The following PELI3 variants were observed in gnomAD, a reference collection of about 807,000 sequenced individuals.
PELI3 encodes E3 ubiquitin-protein ligase pellino homolog 3.
In PELI3, 19 loss-of-function variants were observed where a neutral mutation model predicts 35.5. The observed-to-expected ratio is 0.54, with a 90% CI of 0.37 to 0.79. The LOEUF is 0.79. Among genes scored for constraint, PELI3 ranks in the 30% least tolerant of loss-of-function variants. The pLI is 0.00. For missense variants in PELI3, 490 were observed against 661.2 expected (o/e 0.74, Z 2.84); for synonymous variants, 262 against 279.2 (o/e 0.94, Z 0.62).
Position 66,469,046 on chromosome 11 carries a change from G to C in PELI3, c.224+142G>C, listed in dbSNP as rs1258428591. ...GGAAGCAACGTGATCTGGCGGCCTGGCCAACCTCATCCCTTCCTGGTCTTT... is the reference window on the plus strand; with the variant it reads ...GGAAGCAACGTGATCTGGCGGCCTGCCCAACCTCATCCCTTCCTGGTCTTT... On this transcript the variant is annotated intron_variant, in intron 3 of 7. Coordinates refer to ENST00000320740, the MANE Select transcript of PELI3 (RefSeq NM_145065.3). 3 of 539,882 alleles carry C rather than the reference G, an allele frequency of 5.6e-6. No homozygotes were observed. The South Asian group carries it at 6.3e-5, about 11-fold the overall frequency. 33.4% of individuals were successfully genotyped at this position (539,882 alleles called of 1,614,324 possible).
rs563244761 is a variant in PELI3 at position 66,477,222 on chromosome 11, C to T, written c.*1055C>T. On this transcript the variant is annotated 3_prime_UTR_variant, in exon 8 of 8. Transcript: ENST00000320740. Reference sequence around the variant, plus strand: ...GTCAACAAAGGGAGGAGAGAGGACTCACTGGTCAAGAGTGTCGGCTGTGAC... The same window carrying T: ...GTCAACAAAGGGAGGAGAGAGGACTTACTGGTCAAGAGTGTCGGCTGTGAC... 3.9e-5 allele frequency: 6 copies of T among 152,336 alleles called. No homozygotes were observed. The highest frequency in any genetic ancestry group is 3.9e-4 in the Admixed American group (6 of 15,304). The allele number at this position is 152,336 out of a possible 1,614,324, so 9.4% of individuals were successfully genotyped here.
intron 2 of PELI3, 88 bp downstream of exon 2, chr11:66,468,368 T>TA: frequency 7.7e-7 from 1 of 1,299,320 alleles, no homozygotes. Flanking sequence ...TCCCCCCACA[T>TA]AGGGCCTTCA....
intron 2 of PELI3, 109 bp downstream of exon 2, chr11:66,468,389 C>G: frequency 9.1e-7 from 1 of 1,097,196 alleles, no homozygotes; most frequent in Non-Finnish European, 1.2e-6. Flanking sequence ...GCTGTTTGTC[C>G]CTCCTCACCT....
intron 3 of PELI3, among the ~76,000 whole-genome samples, chr11:66,469,675 G>A (rs183692381): frequency 6.6e-6 from 1 of 152,330 alleles, no homozygotes; most frequent in Admixed American, 6.5e-5. Context: ...CCCTTGGGGA[G>A]CAGAGTCCAC....
At chr11:66,468,994 A>T in intron 3 of PELI3, 90 bp downstream of exon 3, 1 of 606,140 alleles carries the variant, frequency 1.6e-6, no homozygotes, top group South Asian at 1.8e-5. Context: ...CTCACACTAC[A>T]GATGAGAAAG....
rs543807746 is a variant in PELI3 at position 66,471,304 on chromosome 11, G to A, written c.287G>A (p.Arg96His). The A allele has an allele frequency of 5.3e-5, 86 of 1,614,002 alleles. No homozygotes were observed. The South Asian group carries it at 9.1e-4, about 17-fold the overall frequency. Reference sequence around the variant, plus strand: ...CGGCGAAGCCGCCTGGCACTGAGCCGCCGGTCGCACGCCAACGGGGTGAAG... The same window carrying A: ...CGGCGAAGCCGCCTGGCACTGAGCCACCGGTCGCACGCCAACGGGGTGAAG... The part of the protein sequence containing the change: ...GRRRSRLALS[R>H]RSHANGVKPD... The change falls in exon 4 of 8, where the codon CGC (arginine) becomes CAC (histidine). Residue 96 changes from arginine (R) to histidine (H), a missense_variant. Physicochemically the swap from Arg to His is conservative, Grantham distance 29 (BLOSUM62 0). Around this residue, in one of 3 missense-constraint regions of PELI3, gnomAD observed 137 missense variants for 157.1 expected, o/e 0.87. Transcript: ENST00000320740.
Position 66,467,982 on chromosome 11 carries a change from C to A in PELI3, c.-1-146C>A. ...GCAACCTCGGGCAGTTTAGAGGAGG[C>A]AGAGGGGAAGTGGTTGCCATAGCAG... On this transcript the variant is annotated intron_variant, in intron 1 of 7. Coordinates refer to ENST00000320740, the MANE Select transcript of PELI3 (RefSeq NM_145065.3). This position sits in a 1 kb window ranked among gnomAD's most constrained non-coding sequence, Gnocchi z 4.2. The A allele has an allele frequency of 2.0e-6, 2 of 995,658 alleles. No individual in the cohort carries two copies. The highest frequency in any genetic ancestry group is 2.8e-6 in the Non-Finnish European group (2 of 721,294). The allele number at this position is 995,658 out of a possible 1,614,324, so 61.7% of individuals were successfully genotyped here. A position where few individuals can be genotyped will look rare whatever the true frequency, so the allele number is the denominator to read the frequency against.
intron 3 of PELI3, among the ~76,000 whole-genome samples, chr11:66,469,789 CTG>C (rs914592741): frequency 1.8e-5 from 2 of 110,892 alleles, no homozygotes; most frequent in Non-Finnish European, 3.9e-5. Flanking sequence ...ACCAGGGAAT[CTG>C]TTTTTTTTTT....
Position 66,476,079 on chromosome 11 carries a change from C to G in PELI3, c.1322C>G (p.Ala441Gly). 6.2e-7 allele frequency: 1 copy of G among 1,607,834 alleles called. No homozygotes were observed. Among genetic ancestry groups the G allele is most frequent in the South Asian group, 1.1e-5 (1 of 90,518 alleles). The change falls in exon 8 of 8, where the codon GCT (alanine) becomes GGT (glycine). Residue 441 changes from alanine to glycine, a missense_variant. Ala to Gly is a moderately conservative substitution (Grantham distance 60). This residue lies in a region of PELI3 where 349 missense variants were observed against 484.8 expected (regional missense o/e 0.72). Coordinates refer to ENST00000320740, the MANE Select transcript of PELI3 (RefSeq NM_145065.3). ...AQTPLPHGTH[A>G]FHAACPFCGA... ...ACACCACTGCCCCACGGCACCCATGCTTTCCATGCCGCCTGCCCCTTTTGC... is the reference window on the plus strand; with the variant it reads ...ACACCACTGCCCCACGGCACCCATGGTTTCCATGCCGCCTGCCCCTTTTGC...
At position 66,473,115 on chromosome 11, in the gene PELI3, C is replaced by T. The variant is rs1338873516; in HGVS notation, c.457-126C>T. 1.0e-6 allele frequency: 1 copy of T among 969,422 alleles called. No homozygotes were observed. The allele number at this position is 969,422 out of a possible 1,614,324, so 60.1% of individuals were successfully genotyped here. On this transcript the variant is annotated intron_variant, in intron 5 of 7. Coordinates refer to ENST00000320740, the MANE Select transcript of PELI3 (RefSeq NM_145065.3). This position sits in a 1 kb window ranked among gnomAD's most constrained non-coding sequence, Gnocchi z 5.8. ...TATGGAGTTGGTGCTGCCCCTTCTCCAGGGCCTGGCAGCCTCCTTTTTTGG... is the reference window on the plus strand; with the variant it reads ...TATGGAGTTGGTGCTGCCCCTTCTCTAGGGCCTGGCAGCCTCCTTTTTTGG...
Position 66,473,545 on chromosome 11 carries a change from G to A in PELI3, c.651+110G>A. On this transcript the variant is annotated intron_variant, in intron 6 of 7. Coordinates refer to ENST00000320740, the MANE Select transcript of PELI3 (RefSeq NM_145065.3). This position sits in a 1 kb window ranked among gnomAD's most constrained non-coding sequence, Gnocchi z 5.8. ...CCAGCCCACAGTAATCCAAATGGTG[G>A]TCCTGGCAGTTAGCAACCCCACCTA... 4 of 1,375,894 alleles carry A rather than the reference G, an allele frequency of 2.9e-6. No homozygotes were observed. Among genetic ancestry groups the A allele is most frequent in the Non-Finnish European group, 3.9e-6 (4 of 1,026,434 alleles). 85.2% of individuals were successfully genotyped at this position (1,375,894 alleles called of 1,614,324 possible).
chr11:66,468,179 C>T lies in PELI3; in HGVS notation c.51C>T (p.Leu17=), dbSNP rs540441372. 6.2e-7 allele frequency: 1 copy of T among 1,608,260 alleles called. No homozygotes were observed. Among genetic ancestry groups the T allele is most frequent in the South Asian group, 1.1e-5 (1 of 90,604 alleles). The change falls in exon 2 of 8, where the codon CTC becomes CTT. Residue 17 remains leucine, a synonymous_variant. Coordinates refer to ENST00000320740, the MANE Select transcript of PELI3 (RefSeq NM_145065.3). The stretch of plus-strand genomic sequence containing the variant: ...TGGGGTCCCCCCGAACCTCAGACCT[C>T]CAGCACCGGGGGAACAAGGGCTCTT... ...PEVGSPRTSD[L]QHRGNKGSCV...
rs767528955 is a variant in PELI3 at position 66,471,310 on chromosome 11, C to T, written c.293C>T (p.Ser98Leu). ...RRSRLALSRRSHANGVKPDVM... is the reference protein window; with the variant it reads ...RRSRLALSRRLHANGVKPDVM... ...AGCCGCCTGGCACTGAGCCGCCGGTCGCACGCCAACGGGGTGAAGCCAGAC... is the reference window on the plus strand; with the variant it reads ...AGCCGCCTGGCACTGAGCCGCCGGTTGCACGCCAACGGGGTGAAGCCAGAC... Residue 98 changes from serine (S) to leucine (L), a missense_variant, in exon 4 of 8, where the codon TCG (serine) becomes TTG (leucine). Physicochemically the swap from Ser to Leu is moderately radical, Grantham distance 145. Around this residue, in one of 3 missense-constraint regions of PELI3, gnomAD observed 137 missense variants for 157.1 expected, o/e 0.87. Transcript: ENST00000320740. 6 of 1,613,892 alleles carry T rather than the reference C, an allele frequency of 3.7e-6. No individual in the cohort carries two copies. Among genetic ancestry groups the T allele is most frequent in the East Asian group, 2.2e-5 (1 of 44,880 alleles).
In PELI3 at chr11:66,475,731, C is replaced by T; in HGVS notation, c.974C>T (p.Ala325Val). The T allele has an allele frequency of 6.2e-7, 1 of 1,611,842 alleles. No individual in the cohort carries two copies. Among genetic ancestry groups the T allele is most frequent in the Non-Finnish European group, 8.5e-7 (1 of 1,179,570 alleles). The change falls in exon 8 of 8, where the codon GCA becomes GTA. Residue 325 changes from alanine to valine, a missense_variant. Coordinates refer to ENST00000320740, the MANE Select transcript of PELI3 (RefSeq NM_145065.3). ...CAACTGGAGGCCCAGCGGCAGGAGGCAAATGCAGCGCGGCCCCAGTGCCCC... is the reference window on the plus strand; with the variant it reads ...CAACTGGAGGCCCAGCGGCAGGAGGTAAATGCAGCGCGGCCCCAGTGCCCC... ...LKQLEAQRQE[A>V]NAARPQCPVG...
Position 66,467,938 on chromosome 11 carries a change from A to C in PELI3, c.-1-190A>C, listed in dbSNP as rs140910248. 6.6e-6 allele frequency among the ~76,000 whole-genome samples: 1 copy of C among 152,192 alleles called. No individual in the cohort carries two copies. The highest frequency in any genetic ancestry group is 2.1e-4 in the South Asian group (1 of 4,824). ...ATATCCTGACTCTCTTCACTGTGCC[A>C]CCCCTCCCTGGTATCCCAGCAACCT... On this transcript the variant is annotated intron_variant, in intron 1 of 7. Coordinates refer to ENST00000320740, the MANE Select transcript of PELI3 (RefSeq NM_145065.3). This position sits in a 1 kb window ranked among gnomAD's most constrained non-coding sequence, Gnocchi z 4.2.
chr11:66,469,250 TA>T (rs149842578), intron 3 of PELI3, among the ~76,000 whole-genome samples: 3,699 of 145,070 alleles, frequency 0.025, 134 homozygotes, highest in African/African-American at 0.081. Flanking sequence ...ACACATGCTT[TA>T]AAAAAAAAAA....
chr11:66,469,537 C>T (rs1378136921), intron 3 of PELI3, among the ~76,000 whole-genome samples: 1 of 152,232 alleles, frequency 6.6e-6, no homozygotes, highest in African/African-American at 2.4e-5. Context: ...GTGATGTCTC[C>T]CTTGGGAGAA....
At position 66,474,359 on chromosome 11, in the gene PELI3, A is replaced by C. The variant is rs186823603; in HGVS notation, c.840+434A>C. On this transcript the variant is annotated intron_variant, in intron 7 of 7. Transcript: ENST00000320740. ...TTTAGCACTGTTCTCCTCTCGCAGGAGGAAAGGGTCCTTACAGTAGTTCTG... is the reference window on the plus strand; with the variant it reads ...TTTAGCACTGTTCTCCTCTCGCAGGCGGAAAGGGTCCTTACAGTAGTTCTG... 25 of 462,346 alleles carry C rather than the reference A, an allele frequency of 5.4e-5. No individual in the cohort carries two copies. In the Admixed American group the frequency reaches 1.0e-3, roughly 19 times the overall value. 28.6% of individuals were successfully genotyped at this position (462,346 alleles called of 1,614,324 possible). A position where few individuals can be genotyped will look rare whatever the true frequency, so the allele number is the denominator to read the frequency against.
Position 66,468,217 on chromosome 11 carries a change from C to A in PELI3, c.89C>A (p.Ser30Tyr). The A allele has an allele frequency of 6.2e-7, 1 of 1,602,678 alleles. No homozygotes were observed. The highest frequency in any genetic ancestry group is 8.5e-7 in the Non-Finnish European group (1 of 1,173,330). The change falls in exon 2 of 8, where the codon TCT (serine) becomes TAT (tyrosine). Residue 30 changes from serine (S) to tyrosine (Y), a missense_variant. By Grantham distance (144) the Ser-to-Tyr change is moderately radical. Around this residue, in one of 3 missense-constraint regions of PELI3, gnomAD observed 137 missense variants for 157.1 expected, o/e 0.87. Coordinates refer to ENST00000320740, the MANE Select transcript of PELI3 (RefSeq NM_145065.3). ...AACAAGGGCTCTTGCGTTCTCTCCT[C>A]TCCCGGTGAAGATGCGCAGCCAGGC... Reference protein sequence around the residue: ...RGNKGSCVLSSPGEDAQPGEE... With the variant: ...RGNKGSCVLSYPGEDAQPGEE...
Sources: gnomAD v4.1 joint callset for allele counts (sites outside exome capture counted in the v4.1 genomes callset) on GRCh38, gnomAD v4.1.1 for gene constraint, gnomAD v4.1.1 regional missense constraint, Gnocchi (gnomAD v3.1) non-coding constraint, MANE v1.5 for transcripts, NCBI Gene and HGNC (gene_info 2026-07-23, HGNC 2026-07-21) for gene names.